The following PCNX1 variants were observed in gnomAD, a reference collection of about 807,000 sequenced individuals.
PCNX1 encodes pecanex-like protein 1.
PCNX1 carries 78 observed loss-of-function variants against 242.2 expected under a neutral mutation model. The ratio of observed to expected loss-of-function variants is 0.32; its 90% CI spans 0.27 to 0.39. PCNX1 has a LOEUF of 0.39. PCNX1 is among the 10% of genes least tolerant of loss of function. The pLI, the probability that PCNX1 is intolerant of heterozygous loss-of-function variation, is 1.00. For missense variants in PCNX1, 2,581 were observed against 2,856.5 expected, an observed-to-expected ratio of 0.90 and a Z score of 2.20; for synonymous variants, 1,024 against 1,032.9, an observed-to-expected ratio of 0.99 and a Z score of 0.17.
chr14:70,915,822 G>A (rs1310409558), intron 1 of PCNX1, among the ~76,000 whole-genome samples: 1 of 152,104 alleles, frequency 6.6e-6, no homozygotes, highest in Non-Finnish European at 1.5e-5. Context: ...ATAAATATGA[G>A]AATGAGAAAT....
intron 19 of PCNX1, among the ~76,000 whole-genome samples, chr14:71,040,830 C>A (rs1438509209): frequency 6.6e-6 from 1 of 151,998 alleles, no homozygotes; most frequent in Non-Finnish European, 1.5e-5. Context: ...CCCCACCACC[C>A]CTACTACCCT....
chr14:70,940,461 C>T (rs949523613), intron 1 of PCNX1, among the ~76,000 whole-genome samples: 1 of 152,220 alleles, frequency 6.6e-6, no homozygotes, highest in Non-Finnish European at 1.5e-5. Context: ...GGCCCCCACT[C>T]TCTTCTTGAT....
intron 2 of PCNX1, among the ~76,000 whole-genome samples, chr14:70,954,897 C>G (rs1048744104): frequency 6.6e-6 from 1 of 152,132 alleles, no homozygotes; most frequent in East Asian, 1.9e-4. Context: ...TTGACATCTC[C>G]TTTCCTCACC....
At chr14:71,105,209 C>T (rs754428249) in intron 32 of PCNX1, 26 bp from the exon 33 acceptor site, 1 of 1,560,468 alleles carries the variant, frequency 6.4e-7, no homozygotes, top group Non-Finnish European at 8.8e-7. Flanking sequence ...TGGAATAATG[C>T]TTCCTACTCT....
chr14:70,930,582 T>G (rs1718711343), intron 1 of PCNX1, among the ~76,000 whole-genome samples: 1 of 152,118 alleles, frequency 6.6e-6, no homozygotes, highest in Non-Finnish European at 1.5e-5. Context: ...ATAATATCTA[T>G]TATTTTTAAT....
rs765395307 is a variant in PCNX1, at chr14:71,109,606, C to A, written c.6885+14C>A. On this transcript the variant is annotated intron_variant, in intron 35 of 35. Transcript: ENST00000304743. The stretch of plus-strand genomic sequence containing the variant: ...ATGGAAGGCCATGTAAGTTCTTTTA[C>A]AAGCTGGCGGTCTGGGGCTCTGCCT... 34 of 1,613,946 alleles carry A rather than the reference C, an allele frequency of 2.1e-5. No homozygotes were observed. Among genetic ancestry groups the A allele is most frequent in the Admixed American group, 1.2e-4 (7 of 60,002 alleles).
At chr14:70,974,909 T>G (rs1044468247) in intron 5 of PCNX1, among the ~76,000 whole-genome samples, 4 of 152,238 alleles carry the variant, frequency 2.6e-5, no homozygotes, top group African/African-American at 7.2e-5. Flanking sequence ...CCTGAAAATT[T>G]CCTGAAACCA....
chr14:70,929,003 GA>G (rs1364615808), intron 1 of PCNX1, among the ~76,000 whole-genome samples: 1 of 152,146 alleles, frequency 6.6e-6, no homozygotes, highest in Non-Finnish European at 1.5e-5. Flanking sequence ...AGGTTTTTGT[GA>G]ATCACCATTT....
At position 71,057,756 on chromosome 14, in the gene PCNX1, G is replaced by A. The variant is rs751180136; in HGVS notation, c.4852+32G>A. On this transcript the variant is annotated intron_variant, in intron 26 of 35. Transcript: ENST00000304743. The stretch of plus-strand genomic sequence containing the variant: ...CATTCATTCACCTTTTATTTCTGTA[G>A]CATACTCCTGTGGCACCTTAGTTTT... 5.0e-6 allele frequency: 7 copies of A among 1,413,612 alleles called. No individual in the cohort carries two copies. In the East Asian group the frequency reaches 1.4e-4, roughly 28 times the overall value. 87.6% of individuals were successfully genotyped at this position (1,413,612 alleles called of 1,614,324 possible).
intron 6 of PCNX1, among the ~76,000 whole-genome samples, chr14:70,978,910 T>A (rs796849536): frequency 6.6e-6 from 1 of 152,162 alleles, no homozygotes; most frequent in Non-Finnish European, 1.5e-5. Flanking sequence ...CTAAGCCAGT[T>A]GCCACCTGTT....
At chr14:70,917,333 A>G (rs553645897) in intron 1 of PCNX1, among the ~76,000 whole-genome samples, 118 of 152,322 alleles carry the variant, frequency 7.7e-4, no homozygotes, top group African/African-American at 2.2e-3. Flanking sequence ...CAGATCCATC[A>G]GAGGAATCAC....
rs551196329 is a variant in PCNX1 at position 71,091,529 on chromosome 14, A to T, written c.5589+2187A>T. 3.3e-5 allele frequency among the ~76,000 whole-genome samples: 5 copies of T among 152,342 alleles called. No homozygotes were observed. The East Asian group carries it at 9.6e-4, about 29-fold the overall frequency. On this transcript the variant is annotated intron_variant, in intron 30 of 35. Transcript: ENST00000304743. The stretch of plus-strand genomic sequence containing the variant: ...GGAAACTTTTTTGGAAATTTGCAAC[A>T]ATTTGAAAAAGATGAACTAGAAAGC...
intron 6 of PCNX1, among the ~76,000 whole-genome samples, chr14:70,984,724 T>C (rs1371259665): frequency 6.6e-6 from 1 of 152,150 alleles, no homozygotes; most frequent in Non-Finnish European, 1.5e-5. Flanking sequence ...TGTGTGTATT[T>C]ATACTCACAG....
chr14:70,947,251 A>G (rs967509794), intron 2 of PCNX1, 128 bp downstream of exon 2: 4 of 677,046 alleles, frequency 5.9e-6, no homozygotes, highest in African/African-American at 5.4e-5. Flanking sequence ...TTACCACTGT[A>G]GATACAATGA....
chr14:71,042,509 A>G (rs1296401497), intron 19 of PCNX1, among the ~76,000 whole-genome samples: 1 of 151,804 alleles, frequency 6.6e-6, no homozygotes, highest in Non-Finnish European at 1.5e-5. Context: ...TGGTTTCTGT[A>G]TGCCTGGAAT....
chr14:70,910,823 A>G (rs2055868625), intron 1 of PCNX1, among the ~76,000 whole-genome samples: 2 of 152,206 alleles, frequency 1.3e-5, no homozygotes, highest in Admixed American at 1.3e-4. Flanking sequence ...CCGATGAATG[A>G]TTGAGAAGTG....
intron 16 of PCNX1, among the ~76,000 whole-genome samples, chr14:71,029,596 G>C (rs942293768): frequency 3.3e-5 from 5 of 152,200 alleles, no homozygotes; most frequent in Non-Finnish European, 7.3e-5. Flanking sequence ...ACAGTTCTGT[G>C]GGTGTACAAA....
chr14:71,107,147 A>G (rs940539653), intron 33 of PCNX1, among the ~76,000 whole-genome samples: 3 of 152,132 alleles, frequency 2.0e-5, no homozygotes, highest in South Asian at 2.1e-4. Flanking sequence ...ATCCAGCCAT[A>G]TGAAGAAGTT....
At chr14:71,056,322 G>C (rs2061180866) in intron 25 of PCNX1, among the ~76,000 whole-genome samples, 1 of 152,158 alleles carries the variant, frequency 6.6e-6, no homozygotes, top group Non-Finnish European at 1.5e-5. Context: ...ATCATGTTCT[G>C]GTAGAGAAAA....
Sources: allele counts gnomAD v4.1 joint callset (sites outside exome capture counted in the v4.1 genomes callset), GRCh38; gene constraint gnomAD v4.1.1; transcripts MANE v1.5; gene names NCBI Gene and HGNC (gene_info 2026-07-23, HGNC 2026-07-21).